The following VPS35L variants were observed in gnomAD, a reference collection of about 807,000 sequenced individuals.
VPS35L encodes VPS35 endosomal protein-sorting factor-like.
Under a neutral mutation model 133.0 loss-of-function variants are expected in VPS35L, and 83 were observed. That is an observed-to-expected ratio of 0.62 (90% CI 0.52 to 0.75). The LOEUF is 0.75. VPS35L is among the 30% of genes least tolerant of loss of function. The probability of loss-of-function intolerance (pLI) is 0.00; values close to 1 mark genes in which losing one functional copy is unlikely to be tolerated. For missense variants in VPS35L, 1,083 were observed against 1,206.8 expected, an observed-to-expected ratio of 0.90 and a Z score of 1.52; for synonymous variants, 423 against 449.9, an observed-to-expected ratio of 0.94 and a Z score of 0.76.
At chr16:19,631,729 G>C (rs376222693) in intron 18 of VPS35L, among the ~76,000 whole-genome samples, 89 of 152,252 alleles carry the variant, frequency 5.8e-4, no homozygotes, top group African/African-American at 2.1e-3. Context: ...TTGATTGACA[G>C]ACAGGATCTC....
chr16:19,689,061 A>C (rs1975571671), intron 28 of VPS35L, among the ~76,000 whole-genome samples: 1 of 108,252 alleles, frequency 9.2e-6, no homozygotes, highest in African/African-American at 4.4e-5. Context: ...TTTTTTTGAG[A>C]TGGAGTCCCA....
intron 5 of VPS35L, 117 bp downstream of exon 5, chr16:19,575,239 G>C (rs1971493344): frequency 1.1e-6 from 1 of 938,782 alleles, no homozygotes; most frequent in East Asian, 2.5e-5. Flanking sequence ...AGTTGGAGCT[G>C]CTATTTCTTA....
At position 19,564,945 on chromosome 16, in the gene VPS35L, A is replaced by G. The variant is rs773753882; in HGVS notation, c.112A>G (p.Ile38Val). The change falls in exon 2 of 31, where the codon ATA becomes GTA. Residue 38 changes from isoleucine (I) to valine (V), a missense_variant. Transcript: ENST00000417362. ...TGGGGACTATCACCCTCTGAAACCC[A>G]TAACTGTAAGTTTTGTTAAGGGTCT... ...EFGDYHPLKP[I>V]TVTESKTKKV... 1.7e-5 allele frequency: 28 copies of G among 1,601,386 alleles called. No individual in the cohort carries two copies. The highest frequency in any genetic ancestry group is 1.7e-4 in the Admixed American group (10 of 59,930).
intron 7 of VPS35L, among the ~76,000 whole-genome samples, chr16:19,589,166 C>G (rs1462637856): frequency 6.6e-6 from 1 of 152,088 alleles, no homozygotes; most frequent in Non-Finnish European, 1.5e-5. Flanking sequence ...AAGATGTATT[C>G]TGGATAGTAA....
intron 1 of VPS35L, among the ~76,000 whole-genome samples, chr16:19,557,581 T>A (rs1970901292): frequency 6.6e-6 from 1 of 151,924 alleles, no homozygotes; most frequent in Non-Finnish European, 1.5e-5. Flanking sequence ...CGGTGTTTCA[T>A]CATGTTGGCC....
At chr16:19,595,000 G>A (rs1256051857) in intron 8 of VPS35L, among the ~76,000 whole-genome samples, 1 of 152,154 alleles carries the variant, frequency 6.6e-6, no homozygotes, top group African/African-American at 2.4e-5. Context: ...GAGATCCTGG[G>A]GTGGGAGCAT....
At chr16:19,692,066 T>G (rs1233327653) in intron 29 of VPS35L, among the ~76,000 whole-genome samples, 1 of 152,008 alleles carries the variant, frequency 6.6e-6, no homozygotes, top group African/African-American at 2.4e-5. Context: ...TTAGTAGAGA[T>G]GGGGTTTCAC....
chr16:19,572,195 G>A (rs1971404046), intron 3 of VPS35L, among the ~76,000 whole-genome samples: 1 of 152,074 alleles, frequency 6.6e-6, no homozygotes, highest in Admixed American at 6.6e-5. Flanking sequence ...TGAGGCGGGC[G>A]GATCATGAGG....
intron 5 of VPS35L, among the ~76,000 whole-genome samples, chr16:19,577,293 G>A (rs1473503811): frequency 1.3e-5 from 2 of 152,206 alleles, no homozygotes; most frequent in African/African-American, 2.4e-5. Flanking sequence ...TGCATGGCAA[G>A]AGAAGGGAGG....
At chr16:19,580,493 A>C (rs1475750486) in intron 6 of VPS35L, among the ~76,000 whole-genome samples, 1 of 151,988 alleles carries the variant, frequency 6.6e-6, no homozygotes, top group East Asian at 1.9e-4. Flanking sequence ...AGGTCTCATC[A>C]TGTGTGTTTG....
intron 9 of VPS35L, chr16:19,607,881 T>C: frequency 3.5e-6 from 1 of 284,772 alleles, no homozygotes. Context: ...TACATTCCTC[T>C]GTGCCTTGGT....
intron 13 of VPS35L, 131 bp downstream of exon 13, chr16:19,616,322 C>T: frequency 2.7e-6 from 2 of 748,424 alleles, no homozygotes; most frequent in Non-Finnish European, 4.5e-6. Flanking sequence ...GAAAATTACA[C>T]TAGCTTCTGT....
In VPS35L at chr16:19,608,835, T is replaced by G; in HGVS notation, c.882-139T>G. ...CATATGTAGAAACCATAAGCTACCT[T>G]AGTTCGCTGGATTGTTGAGGGCCAC... is the stretch of plus-strand genomic sequence containing the variant. On this transcript the variant is annotated intron_variant, in intron 10 of 30. Coordinates refer to ENST00000417362, the MANE Select transcript of VPS35L (RefSeq NM_020314.7). The G allele has an allele frequency of 7.9e-6, 5 of 636,272 alleles. No individual in the cohort carries two copies. In the South Asian group the frequency reaches 9.8e-5, roughly 12 times the overall value. The allele number at this position is 636,272 out of a possible 1,614,324, so 39.4% of individuals were successfully genotyped here.
chr16:19,565,075 T>TC (rs1567383383), intron 2 of VPS35L, 125 bp downstream of exon 2: 5 of 603,322 alleles, frequency 8.3e-6, no homozygotes, highest in African/African-American at 4.1e-5. Context: ...TTTTTTTTTT[T>TC]CAGAGTCTTG....
At chr16:19,641,278 G>A (rs1973780028) in intron 21 of VPS35L, among the ~76,000 whole-genome samples, 1 of 151,816 alleles carries the variant, frequency 6.6e-6, no homozygotes, top group Non-Finnish European at 1.5e-5. Context: ...TGGTGGCCAG[G>A]CTGGTCTCGA....
At chr16:19,566,280 G>A (rs1971186604) in intron 2 of VPS35L, among the ~76,000 whole-genome samples, 1 of 152,154 alleles carries the variant, frequency 6.6e-6, no homozygotes, top group Admixed American at 6.5e-5. Flanking sequence ...TGGATCACCT[G>A]AGGTCAGGAG....
chr16:19,601,627 A>C (rs1972386610), intron 8 of VPS35L, 37 bp from the exon 9 acceptor site: 4 of 1,600,408 alleles, frequency 2.5e-6, no homozygotes, highest in Non-Finnish European at 3.4e-6. Context: ...GCTCCTGAAG[A>C]GTGTGATACT....
At chr16:19,587,395 T>C (rs226856) in intron 7 of VPS35L, 110,733 of 444,480 alleles carry the variant, frequency 0.25, 17,958 homozygotes, top group African/African-American at 0.59. Context: ...TTTGGGAGGC[T>C]GAGGTGGGCG....
chr16:19,616,218 A>C, intron 13 of VPS35L, 27 bp downstream of exon 13: 2,472 of 1,556,744 alleles, frequency 1.6e-3, no homozygotes, highest in Non-Finnish European at 2.0e-3. Context: ...AGAATAGCTC[A>C]TCGATATAAC....
Sources: gnomAD v4.1 joint callset for allele counts (sites outside exome capture counted in the v4.1 genomes callset) on GRCh38, gnomAD v4.1.1 for gene constraint, MANE v1.5 for transcripts, NCBI Gene and HGNC (gene_info 2026-07-23, HGNC 2026-07-21) for gene names.